The following TMTC2 variants were observed in gnomAD, a reference collection of about 807,000 sequenced individuals.
The protein encoded by TMTC2 is protein O-mannosyl-transferase TMTC2.
In TMTC2, 43 loss-of-function variants were observed where a neutral mutation model predicts 82.4. That is an observed-to-expected ratio of 0.52 (90% CI 0.41 to 0.67). The LOEUF is 0.67. Ranked by LOEUF, TMTC2 falls within the 30% of genes least tolerant of loss-of-function variation. The probability of loss-of-function intolerance (pLI) is 0.00; values close to 1 mark genes in which losing one functional copy is unlikely to be tolerated. For synonymous variants in TMTC2, 408 were observed against 381.9 expected (o/e 1.07, Z -0.80); for missense variants, 919 against 1,012.4 (o/e 0.91, Z 1.25).
At chr12:82,812,944 A>G (rs1410143735) in intron 1 of TMTC2, among the ~76,000 whole-genome samples, 3 of 152,078 alleles carry the variant, frequency 2.0e-5, no homozygotes, top group Admixed American at 1.3e-4. Context: ...TTTAACTGGT[A>G]TATGTAATTT....
At chr12:82,725,140 A>G (rs1874388962) in intron 1 of TMTC2, among the ~76,000 whole-genome samples, 1 of 151,508 alleles carries the variant, frequency 6.6e-6, no homozygotes, top group African/African-American at 2.4e-5. Context: ...AAAAGTCTTA[A>G]AAAAAAAACA....
intron 3 of TMTC2, among the ~76,000 whole-genome samples, chr12:82,926,056 A>G (rs1875696289): frequency 6.7e-6 from 1 of 149,186 alleles, no homozygotes; most frequent in South Asian, 2.1e-4. Flanking sequence ...ATCTCGGCTC[A>G]CTGCAACCAC....
intron 9 of TMTC2, among the ~76,000 whole-genome samples, chr12:83,050,137 G>A (rs140753088): frequency 1.4e-3 from 219 of 152,170 alleles, no homozygotes; most frequent in Middle Eastern, 6.8e-3. Flanking sequence ...TGGCTTCAGC[G>A]TATGTTTGTC....
intron 8 of TMTC2, among the ~76,000 whole-genome samples, chr12:83,025,474 TAA>T (rs1287569199): frequency 6.6e-6 from 1 of 151,906 alleles, no homozygotes; most frequent in Non-Finnish European, 1.5e-5. Context: ...ACTCTCAACC[TAA>T]AACACTTCTG....
At chr12:82,937,734 G>GTGTGTGTGTGGA (rs1876402621) in intron 4 of TMTC2, among the ~76,000 whole-genome samples, 1 of 24,240 alleles carries the variant, frequency 4.1e-5, no homozygotes, top group Non-Finnish European at 8.1e-5. Context: ...GTGTGGATGT[G>GTGTGTGTGTGGA]TGTGTGTGTG....
chr12:82,844,062 A>G (rs1327039572), intron 1 of TMTC2, among the ~76,000 whole-genome samples: 3 of 152,234 alleles, frequency 2.0e-5, no homozygotes, highest in African/African-American at 7.2e-5. Flanking sequence ...TCCACTCCCA[A>G]GACTTCGTTT....
chr12:82,719,932 T>G (rs574374512), intron 1 of TMTC2, among the ~76,000 whole-genome samples: 1 of 152,358 alleles, frequency 6.6e-6, no homozygotes, highest in African/African-American at 2.4e-5. Flanking sequence ...TATTTGTTTG[T>G]TGAAACTTTT....
chr12:82,857,219 T>C lies in TMTC2; in HGVS notation c.293T>C (p.Val98Ala), dbSNP rs1871303028. ...GTCAATGTCCTGTTGCATGCAGCAG[T>C]CACTGGTCTCTTCACAAGCTTCTCC... ...HLVNVLLHAA[V>A]TGLFTSFSKI... Residue 98 changes from valine (V) to alanine (A), a missense_variant, in exon 2 of 12, where the codon GTC (valine) becomes GCC (alanine). Coordinates refer to ENST00000321196, the MANE Select transcript of TMTC2 (RefSeq NM_152588.3). 1.2e-6 allele frequency: 2 copies of C among 1,614,162 alleles called. No individual in the cohort carries two copies. The highest frequency in any genetic ancestry group is 1.3e-5 in the African/African-American group (1 of 75,038).
intron 7 of TMTC2, among the ~76,000 whole-genome samples, chr12:82,973,027 A>G (rs970192196): frequency 6.6e-6 from 1 of 152,170 alleles, no homozygotes. Context: ...TGGATTGCTC[A>G]AGGCATTTAG....
chr12:82,691,132 C>G (rs1203998590), intron 1 of TMTC2, among the ~76,000 whole-genome samples: 1 of 152,120 alleles, frequency 6.6e-6, no homozygotes, highest in Non-Finnish European at 1.5e-5. Context: ...GATAATGCAA[C>G]TTTTACATGC....
intron 9 of TMTC2, among the ~76,000 whole-genome samples, chr12:83,038,217 A>G (rs984388431): frequency 2.0e-5 from 3 of 151,956 alleles, no homozygotes; most frequent in African/African-American, 7.2e-5. Context: ...CAGCACACCA[A>G]CATGGCACAT....
At chr12:83,062,871 G>C (rs1209318856) in intron 11 of TMTC2, among the ~76,000 whole-genome samples, 2 of 151,764 alleles carry the variant, frequency 1.3e-5, no homozygotes, top group East Asian at 3.9e-4. Flanking sequence ...CTTTTCAGGA[G>C]ATTCATCCAC....
At chr12:82,917,069 C>A (rs2137220668) in intron 3 of TMTC2, among the ~76,000 whole-genome samples, 1 of 152,180 alleles carries the variant, frequency 6.6e-6, no homozygotes, top group East Asian at 1.9e-4. Flanking sequence ...TCTTATTTCC[C>A]TGGAGTCACA....
Position 82,721,793 on chromosome 12 carries a change from G to A in TMTC2, c.83+34124G>A, listed in dbSNP as rs554646145. ...TTTAATAATATGTGTGACTATTTAC[G>A]TAGCATGTAACCTTTTATTCTAAGT... is the stretch of plus-strand genomic sequence containing the variant. On this transcript the variant is annotated intron_variant, in intron 1 of 11. Coordinates refer to ENST00000321196, the MANE Select transcript of TMTC2 (RefSeq NM_152588.3). Among the ~76,000 whole-genome samples, 7 of 152,274 alleles carry A rather than the reference G, an allele frequency of 4.6e-5. No individual in the cohort carries two copies. The South Asian group carries it at 8.3e-4, about 18-fold the overall frequency.
chr12:82,921,025 T>A (rs1452458065), intron 3 of TMTC2, among the ~76,000 whole-genome samples: 1 of 152,186 alleles, frequency 6.6e-6, no homozygotes, highest in Admixed American at 6.5e-5. Flanking sequence ...AATTTTTCTC[T>A]GGTCTGAAAA....
chr12:82,689,409 A>G (rs1437840054), intron 1 of TMTC2, among the ~76,000 whole-genome samples: 1 of 152,216 alleles, frequency 6.6e-6, no homozygotes, highest in African/African-American at 2.4e-5. Context: ...CAGTTTGAAT[A>G]GTAAGCATTT....
chr12:82,891,675 C>G (rs1873402674), intron 2 of TMTC2, among the ~76,000 whole-genome samples: 1 of 152,040 alleles, frequency 6.6e-6, no homozygotes, highest in South Asian at 2.1e-4. Context: ...CAGTTTCATA[C>G]TTTGGCTTAT....
intron 3 of TMTC2, among the ~76,000 whole-genome samples, chr12:82,898,490 A>G (rs941110775): frequency 1.3e-5 from 2 of 152,210 alleles, no homozygotes; most frequent in African/African-American, 2.4e-5. Context: ...AGCCAAGACA[A>G]AAGTGGCTTA....
chr12:82,786,355 A>C (rs987276750), intron 1 of TMTC2, among the ~76,000 whole-genome samples: 1 of 152,110 alleles, frequency 6.6e-6, no homozygotes, highest in Non-Finnish European at 1.5e-5. Context: ...AATAATGGAA[A>C]GGTATCACAA....
Sources: allele counts gnomAD v4.1 joint callset (sites outside exome capture counted in the v4.1 genomes callset), GRCh38; gene constraint gnomAD v4.1.1; transcripts MANE v1.5; gene names NCBI Gene and HGNC (gene_info 2026-07-23, HGNC 2026-07-21).